TMEM165: variants seen among roughly 807,000 people sequenced by gnomAD.
The protein encoded by TMEM165 is putative divalent cation/proton antiporter TMEM165.
A neutral mutation model predicts 30.0 loss-of-function variants in TMEM165; 19 were observed. That is an observed-to-expected ratio of 0.63 (90% confidence interval 0.44 to 0.93). TMEM165 has a LOEUF of 0.93. Ranked by LOEUF, TMEM165 falls within the 40% of genes least tolerant of loss-of-function variation. The pLI is 0.00. For missense variants in TMEM165, 340 were observed against 417.0 expected, an observed-to-expected ratio of 0.82 and a Z score of 1.61; for synonymous variants, 168 against 162.9, an observed-to-expected ratio of 1.03 and a Z score of -0.24.
intron 1 of TMEM165, among the ~76,000 whole-genome samples, chr4:55,398,453 T>C (rs986452425): frequency 6.6e-6 from 1 of 152,254 alleles, no homozygotes; most frequent in Non-Finnish European, 1.5e-5. Flanking sequence ...TCTGGACTTC[T>C]GTGCCTTACT....
Position 55,450,347 on chromosome 4 carries a change from T to C in TMEM165, c.409-1892T>C, listed in dbSNP as rs1724319103. 5 of 1,124,114 alleles carry C rather than the reference T, an allele frequency of 4.4e-6. No individual in the cohort carries two copies. In the South Asian group the frequency reaches 6.3e-5, roughly 14 times the overall value. 69.6% of individuals were successfully genotyped at this position (1,124,114 alleles called of 1,614,324 possible). On this transcript the variant is annotated intron_variant, in intron 3 of 3. Coordinates refer to the TMEM165 transcript ENST00000608091. ...GTTTTTGTCTATAACAAGGCAAAAG[T>C]ACCTGTATGTACATACACATGTAAA...
chr4:55,396,243 G>T lies in TMEM165; in HGVS notation c.54G>T (p.Leu18=). 1 of 1,500,842 alleles carries T rather than the reference G, an allele frequency of 6.7e-7. No individual in the cohort carries two copies. The highest frequency in any genetic ancestry group is 8.8e-7 in the Non-Finnish European group (1 of 1,131,378). 93.0% of individuals were successfully genotyped at this position (1,500,842 alleles called of 1,614,324 possible). A position where few individuals can be genotyped will look rare whatever the true frequency, so the allele number is the denominator to read the frequency against. The change falls in exon 1 of 6, where the codon CTG becomes CTT. Residue 18 remains leucine (L), a synonymous_variant. Transcript: ENST00000381334. ...NGRASAPRLL[L]LFLVPLLWAP... ...GCGCATCGGCGCCCCGGCTGCTTCT[G>T]CTCTTTCTGGTTCCGCTGCTGTGGG...
At chr4:55,415,579 T>C (rs1035549151) in intron 2 of TMEM165, 1 of 152,186 alleles carries the variant, frequency 6.6e-6, no homozygotes, top group Non-Finnish European at 1.5e-5. Context: ...TCTTTTTCAG[T>C]GGACAGAGCT....
chr4:55,411,547 T>A, intron 1 of TMEM165, 67 bp from the exon 2 acceptor site: 1 of 1,418,814 alleles, frequency 7.0e-7, no homozygotes, highest in Non-Finnish European at 9.6e-7. Context: ...AACTAAATCT[T>A]ATTTACGTGC....
In TMEM165 at chr4:55,420,114, TATATATAC is replaced by T. The variant is rs1560396448; in HGVS notation, c.792+2137_792+2144del. Among the ~76,000 whole-genome samples the T allele has an allele frequency of 1.3e-3, 50 of 39,034 alleles. 2 individuals are homozygous for T. Among genetic ancestry groups the T allele is most frequent in the African/African-American group, 3.3e-3 (49 of 14,656 alleles). The allele number at this position is 39,034 out of a possible 152,430, so 25.6% of individuals were successfully genotyped here. A position where few individuals can be genotyped will look rare whatever the true frequency, so the allele number is the denominator to read the frequency against. On this transcript the variant is annotated intron_variant, in intron 4 of 5. Transcript: ENST00000381334. ...CTATCTTAAGAAAAAAAAATATATA[TATATATAC>T]ATATATATTTATTTATTTATTTATT...
At chr4:55,402,026 G>A (rs1032919906) in intron 1 of TMEM165, among the ~76,000 whole-genome samples, 2 of 147,518 alleles carry the variant, frequency 1.4e-5, no homozygotes, top group Non-Finnish European at 2.9e-5. Context: ...GCTGAGGCAG[G>A]AGAATCGCTT....
At chr4:55,442,390 G>T in intron 3 of TMEM165, 2 of 1,516,002 alleles carry the variant, frequency 1.3e-6, no homozygotes, top group South Asian at 1.1e-5. Flanking sequence ...CTAATCAATC[G>T]GTTTACAATT....
At chr4:55,450,682 T>C (rs1560423568) in intron 3 of TMEM165, among the ~76,000 whole-genome samples, 1 of 151,984 alleles carries the variant, frequency 6.6e-6, no homozygotes, top group Non-Finnish European at 1.5e-5. Context: ...GGCAGGAGAA[T>C]TCCCTGAACT....
chr4:55,438,516 A>T (rs778270203), intron 3 of TMEM165: 2 of 1,613,536 alleles, frequency 1.2e-6, no homozygotes, highest in Non-Finnish European at 1.7e-6. Context: ...ATTTGGTCAC[A>T]AGTTGTTGAC....
rs1018733457 is a variant in TMEM165, at chr4:55,396,123, G to T, written c.-67G>T. The T allele has an allele frequency of 1.0e-5, 13 of 1,272,632 alleles. No individual in the cohort carries two copies. In the Admixed American group the frequency reaches 1.3e-4, roughly 13 times the overall value. The allele number at this position is 1,272,632 out of a possible 1,614,324, so 78.8% of individuals were successfully genotyped here. On this transcript the variant is annotated 5_prime_UTR_variant, in exon 1 of 6. Coordinates refer to ENST00000381334, the MANE Select transcript of TMEM165 (RefSeq NM_018475.5). Reference sequence around the variant, plus strand: ...AGGACGCGCCGCGGAGGCTGTTCGGGGTCGAGGCTTCCCGTCGCCGGCACT... The same window carrying T: ...AGGACGCGCCGCGGAGGCTGTTCGGTGTCGAGGCTTCCCGTCGCCGGCACT...
intron 1 of TMEM165, chr4:55,403,461 AAG>A (rs1318021356): frequency 3.6e-6 from 1 of 277,894 alleles, no homozygotes; most frequent in African/African-American, 2.4e-5. Context: ...GAAAGTATAA[AAG>A]AATACTTTCT....
At position 55,420,146 on chromosome 4, in the gene TMEM165, T is replaced by TTTATTTA. The variant is rs60110155; in HGVS notation, c.792+2163_792+2164insATTTATT. On this transcript the variant is annotated intron_variant, in intron 4 of 5. Transcript: ENST00000381334. ...ACATATATATTTATTTATTTATTTA[T>TTTATTTA]TTTATTTATTTATTTAATGGCTGTA... Among the ~76,000 whole-genome samples, 54 of 41,614 alleles carry TTTATTTA rather than the reference T, an allele frequency of 1.3e-3. 1 individual carries two copies. Among genetic ancestry groups the TTTATTTA allele is most frequent in the African/African-American group, 5.3e-3 (53 of 9,920 alleles). 27.3% of individuals were successfully genotyped at this position (41,614 alleles called of 152,430 possible).
At chr4:55,414,355 A>G (rs372233205) in intron 2 of TMEM165, among the ~76,000 whole-genome samples, 5 of 151,514 alleles carry the variant, frequency 3.3e-5, no homozygotes, top group African/African-American at 1.2e-4. Context: ...AACAGTCTTT[A>G]TATTATTTTG....
At chr4:55,431,425 C>CTCCTTTTAGAAGAAAGCTCA (rs1722492577) in intron 3 of TMEM165, 1 of 152,158 alleles carries the variant, frequency 6.6e-6, no homozygotes, top group African/African-American at 2.4e-5. Context: ...ACTTCAGAAG[C>CTCCTTTTAGAAGAAAGCTCA]TCCTTTTAGA....
At chr4:55,400,122 G>A (rs1283735785) in intron 1 of TMEM165, among the ~76,000 whole-genome samples, 2 of 136,628 alleles carry the variant, frequency 1.5e-5, no homozygotes, top group Non-Finnish European at 3.1e-5. Context: ...TGGGATTACA[G>A]GCATGAGCCA....
At chr4:55,409,731 G>A (rs772998877) in intron 1 of TMEM165, among the ~76,000 whole-genome samples, 4 of 152,138 alleles carry the variant, frequency 2.6e-5, no homozygotes, top group Non-Finnish European at 4.4e-5. Flanking sequence ...CCATTTCCTG[G>A]GAGTGGTGGT....
chr4:55,442,472 T>G (rs756439123), intron 3 of TMEM165: 1 of 1,607,464 alleles, frequency 6.2e-7, no homozygotes, highest in South Asian at 1.1e-5. Flanking sequence ...ACTGCAGCAC[T>G]CTGGGTGCTG....
chr4:55,401,504 A>G (rs936842054), intron 1 of TMEM165, among the ~76,000 whole-genome samples: 1 of 150,782 alleles, frequency 6.6e-6, no homozygotes, highest in African/African-American at 2.5e-5. Flanking sequence ...TAGCACTTCT[A>G]ATAAAGCCAC....
chr4:55,446,112 T>C (rs1226197595), intron 3 of TMEM165, among the ~76,000 whole-genome samples: 1 of 150,278 alleles, frequency 6.7e-6, no homozygotes, highest in East Asian at 1.9e-4. Context: ...TTTTTTTTTT[T>C]TTTTTTTTTG....
Sources: allele counts gnomAD v4.1 joint callset (sites outside exome capture counted in the v4.1 genomes callset), GRCh38; gene constraint gnomAD v4.1.1; transcripts MANE v1.5; gene names NCBI Gene and HGNC (gene_info 2026-07-23, HGNC 2026-07-21).